Variants in PRDM16 observed in about 807,000 individuals in gnomAD.
PRDM16 encodes PR/SET domain 16.
In PRDM16, 23 loss-of-function variants were observed where a neutral mutation model predicts 110.6. That is an observed-to-expected ratio of 0.21 (90% confidence interval 0.15 to 0.29). PRDM16 has a LOEUF of 0.29. Among genes scored for constraint, PRDM16 ranks in the 10% least tolerant of loss-of-function variants. PRDM16 has a pLI of 1.00. For synonymous variants in PRDM16, 799 were observed against 781.8 expected (o/e 1.02, Z -0.37); for missense variants, 1,615 against 1,794.3 (o/e 0.90, Z 1.81).
rs181878163 is a variant in PRDM16 at position 3,393,705 on chromosome 1, G to A, written c.574-2786G>A. Among the ~76,000 whole-genome samples the A allele has an allele frequency of 1.7e-3, 252 of 152,316 alleles. 1 individual carries two copies. The highest frequency in any genetic ancestry group is 5.8e-3 in the African/African-American group (243 of 41,582). On this transcript the variant is annotated intron_variant, in intron 4 of 16. Transcript: ENST00000270722. ...TGGCTGATAAGGCCTTTGTGACACC[G>A]GGGACAGGCTGTAAAAACGCAGCCA... is the stretch of plus-strand genomic sequence containing the variant.
rs1274657123 is a variant in PRDM16, at chr1:3,358,764, G to A, written c.439-26388G>A. Among the ~76,000 whole-genome samples the A allele has an allele frequency of 6.6e-6, 1 of 152,218 alleles. No homozygotes were observed. The highest frequency in any genetic ancestry group is 2.4e-5 in the African/African-American group (1 of 41,460). On this transcript the variant is annotated intron_variant, in intron 3 of 16. Transcript: ENST00000270722. The surrounding 1 kb of genome is among the most constrained non-coding windows in gnomAD (Gnocchi z 4.0). ...GCTCCAAACCCAGGACACTGTGTGTGAGTCCCACCTCCTTCCAGTCTCCAC... is the reference window on the plus strand; with the variant it reads ...GCTCCAAACCCAGGACACTGTGTGTAAGTCCCACCTCCTTCCAGTCTCCAC...
At chr1:3,414,174 G>A (rs1186609047) in intron 9 of PRDM16, among the ~76,000 whole-genome samples, 4 of 152,208 alleles carry the variant, frequency 2.6e-5, no homozygotes, top group Admixed American at 1.3e-4. Flanking sequence ...CAGTTAGGCC[G>A]GGGTGCACGG....
At chr1:3,204,455 C>T (rs75130461) in intron 2 of PRDM16, among the ~76,000 whole-genome samples, 184 of 152,328 alleles carry the variant, frequency 1.2e-3, no homozygotes, top group African/African-American at 4.1e-3. Context: ...GGAACCTTAC[C>T]GTCCCAGAGA....
intron 3 of PRDM16, among the ~76,000 whole-genome samples, chr1:3,256,777 A>G (rs2100236874): frequency 6.6e-6 from 1 of 152,282 alleles, no homozygotes; most frequent in East Asian, 1.9e-4. Context: ...GAATGGCGTG[A>G]ACCCAGGAGG....
chr1:3,269,409 G>A lies in PRDM16; in HGVS notation c.438+25272G>A, dbSNP rs150652962. Among the ~76,000 whole-genome samples, 1,347 of 149,506 alleles carry A rather than the reference G, an allele frequency of 9.0e-3. 19 individuals are homozygous for A. The highest frequency in any genetic ancestry group is 0.031 in the African/African-American group (1,273 of 40,594). ...AGGACAGTCCCGGAGGAGGACAGTC[G>A]GGAGGAGGACAGTCCCAGAGGAGCA... is the stretch of plus-strand genomic sequence containing the variant. On this transcript the variant is annotated intron_variant, in intron 3 of 16. Transcript: ENST00000270722.
chr1:3,241,757 AT>A (rs1040026443), intron 2 of PRDM16, among the ~76,000 whole-genome samples: 1 of 152,172 alleles, frequency 6.6e-6, no homozygotes, highest in Non-Finnish European at 1.5e-5. Context: ...AGACAGGAAG[AT>A]CAGGCGACCA....
rs573790409 is a variant in PRDM16 at position 3,069,553 on chromosome 1, A to C, written c.37+257A>C. 9.2e-5 allele frequency among the ~76,000 whole-genome samples: 13 copies of C among 141,294 alleles called. No individual in the cohort carries two copies. The highest frequency in any genetic ancestry group is 3.7e-3 in the Middle Eastern group (1 of 270). 92.7% of individuals were successfully genotyped at this position (141,294 alleles called of 152,430 possible). On this transcript the variant is annotated intron_variant, in intron 1 of 16. Coordinates refer to ENST00000270722, the MANE Select transcript of PRDM16 (RefSeq NM_022114.4). This position sits in a 1 kb window ranked among gnomAD's most constrained non-coding sequence, Gnocchi z 6.1. ...TCCCCGCGGAACCCCCTCCCCCCCC[A>C]CCAGTGTCAGGCGCTCGGGCCCGGG...
In PRDM16 at chr1:3,425,440, A is replaced by G. The variant is rs928213457; in HGVS notation, c.2940-141A>G. 1.1e-6 allele frequency: 1 copy of G among 875,218 alleles called. No individual in the cohort carries two copies. The highest frequency in any genetic ancestry group is 1.7e-5 in the African/African-American group (1 of 59,114). 54.2% of individuals were successfully genotyped at this position (875,218 alleles called of 1,614,324 possible). A position where few individuals can be genotyped will look rare whatever the true frequency, so the allele number is the denominator to read the frequency against. The stretch of plus-strand genomic sequence containing the variant: ...CTTTGGCTCTGCAGCTGGGAGATCC[A>G]GCAACCTCCGGGACACGGCGGGGCA... On this transcript the variant is annotated intron_variant, in intron 12 of 16. Coordinates refer to ENST00000270722, the MANE Select transcript of PRDM16 (RefSeq NM_022114.4). This position sits in a 1 kb window ranked among gnomAD's most constrained non-coding sequence, Gnocchi z 6.9.
intron 8 of PRDM16, 38 bp downstream of exon 8, chr1:3,405,686 T>A: frequency 6.6e-7 from 1 of 1,517,864 alleles, no homozygotes. Context: ...GCCCTCCGGG[T>A]GCGCGGATGC....
chr1:3,257,750 C>T (rs2100240336), intron 3 of PRDM16, among the ~76,000 whole-genome samples: 1 of 152,314 alleles, frequency 6.6e-6, no homozygotes, highest in South Asian at 2.1e-4. Flanking sequence ...GAAGACACTT[C>T]TCCATTTAAT....
chr1:3,289,769 A>G (rs1352979648), intron 3 of PRDM16, among the ~76,000 whole-genome samples: 3 of 152,088 alleles, frequency 2.0e-5, no homozygotes, highest in Admixed American at 1.3e-4. Context: ...CACAGCTGCT[A>G]TGCCTGTGGT....
intron 2 of PRDM16, among the ~76,000 whole-genome samples, chr1:3,193,863 G>C (rs1373911916): frequency 6.6e-6 from 1 of 152,150 alleles, no homozygotes. Flanking sequence ...CGTGTTGCCT[G>C]GGGAGCATGG....
Position 3,181,690 on chromosome 1 carries a change from A to G in PRDM16, c.38-4435A>G, listed in dbSNP as rs868859700. 2.6e-3 allele frequency among the ~76,000 whole-genome samples: 266 copies of G among 103,986 alleles called. 11 individuals carry two copies. The highest frequency in any genetic ancestry group is 0.012 in the Middle Eastern group (2 of 172). The allele number at this position is 103,986 out of a possible 152,430, so 68.2% of individuals were successfully genotyped here. On this transcript the variant is annotated intron_variant, in intron 1 of 16. Transcript: ENST00000270722. ...CAGTCTTACACGCGCAGTCTTACAC[A>G]CGGTCTTACACACGGTCTTACACAC...
intron 3 of PRDM16, among the ~76,000 whole-genome samples, chr1:3,333,804 A>C (rs967301036): frequency 1.3e-5 from 2 of 152,192 alleles, no homozygotes; most frequent in Admixed American, 6.5e-5. Flanking sequence ...CGGTTAGCTC[A>C]TGCGAGATCT....
In PRDM16 at chr1:3,313,739, CG is replaced by C. The variant is rs1318832372; in HGVS notation, c.438+69605del. 2.6e-5 allele frequency among the ~76,000 whole-genome samples: 4 copies of C among 152,186 alleles called. No individual in the cohort carries two copies. The East Asian group carries it at 7.7e-4, about 29-fold the overall frequency. ...CAAACCTCGCCGCCTCCTGCCCCGG[CG>C]GGCCTGGGATTTGCGAATGTGTGAA... On this transcript the variant is annotated intron_variant, in intron 3 of 16. Coordinates refer to ENST00000270722, the MANE Select transcript of PRDM16 (RefSeq NM_022114.4).
At chr1:3,268,431 A>G (rs1427451226) in intron 3 of PRDM16, among the ~76,000 whole-genome samples, 3 of 152,248 alleles carry the variant, frequency 2.0e-5, no homozygotes, top group Admixed American at 2.0e-4. Context: ...CAAAGCCGGT[A>G]GACCAGGGTG....
intron 3 of PRDM16, among the ~76,000 whole-genome samples, chr1:3,258,439 G>A (rs1390014406): frequency 6.6e-6 from 1 of 152,184 alleles, no homozygotes; most frequent in East Asian, 1.9e-4. Flanking sequence ...TTATGCTAAC[G>A]GGATTCATTA....
At chr1:3,088,590 C>T (rs993957223) in intron 1 of PRDM16, among the ~76,000 whole-genome samples, 29 of 150,290 alleles carry the variant, frequency 1.9e-4, no homozygotes, top group Non-Finnish European at 2.7e-4. Flanking sequence ...CTCAGCCTCC[C>T]GAGTAGCTGG....
At chr1:3,253,051 C>T (rs755844739) in intron 3 of PRDM16, among the ~76,000 whole-genome samples, 7 of 152,110 alleles carry the variant, frequency 4.6e-5, no homozygotes, top group Non-Finnish European at 7.4e-5. Context: ...CGCTTGTCAC[C>T]CTCGCTTACA....
Sources: gnomAD v4.1 joint callset for allele counts (sites outside exome capture counted in the v4.1 genomes callset) on GRCh38, gnomAD v4.1.1 for gene constraint, Gnocchi (gnomAD v3.1) non-coding constraint, MANE v1.5 for transcripts, NCBI Gene and HGNC (gene_info 2026-07-23, HGNC 2026-07-21) for gene names.